The following TNRC18 variants were observed in gnomAD, a reference collection of about 807,000 sequenced individuals.
TNRC18 encodes trinucleotide repeat containing 18.
A neutral mutation model predicts 226.7 loss-of-function variants in TNRC18; 69 were observed. The ratio of observed to expected loss-of-function variants is 0.30; its 90% CI spans 0.25 to 0.37. The LOEUF is 0.37. TNRC18 is among the 10% of genes least tolerant of loss of function. TNRC18 has a pLI of 1.00. For missense variants in TNRC18, 4,754 were observed against 4,256.6 expected (o/e 1.12, Z -3.25); for synonymous variants, 2,449 against 1,927.6 (o/e 1.27, Z -7.09).
chr7:5,416,202 CAGG>C (rs901543539), intron 2 of TNRC18, among the ~76,000 whole-genome samples: 2 of 150,134 alleles, frequency 1.3e-5, no homozygotes, highest in African/African-American at 4.9e-5. Flanking sequence ...ATCAAGAGGT[CAGG>C]AGATCGAGAT....
At chr7:5,366,318 CTTTTTTTT>C (rs202053648) in intron 11 of TNRC18, among the ~76,000 whole-genome samples, 10 of 70,480 alleles carry the variant, frequency 1.4e-4, no homozygotes, top group African/African-American at 5.7e-4. Flanking sequence ...CTTCTTATAT[CTTTTTTTT>C]TTTTTTTTTT....
intron 2 of TNRC18, among the ~76,000 whole-genome samples, chr7:5,396,303 G>C (rs1256621536): frequency 6.6e-6 from 1 of 152,026 alleles, no homozygotes; most frequent in South Asian, 2.1e-4. Context: ...AGCTGAGATC[G>C]TGCCACTGCA....
In TNRC18 at chr7:5,376,120, G is replaced by C; in HGVS notation, c.2713C>G (p.Gln905Glu). 6.3e-7 allele frequency: 1 copy of C among 1,590,530 alleles called. No individual in the cohort carries two copies. The highest frequency in any genetic ancestry group is 8.6e-7 in the Non-Finnish European group (1 of 1,169,476). ...HAQQLQLFSQQHFLRQQEFLY... is the reference protein window; with the variant it reads ...HAQQLQLFSQEHFLRQQEFLY... ...AACTCCTGCTGCCGCAGGAAGTGCTGCTGTGAGAAGAGCTGCAGCTGCTGG... is the reference window on the plus strand; with the variant it reads ...AACTCCTGCTGCCGCAGGAAGTGCTCCTGTGAGAAGAGCTGCAGCTGCTGG... Residue 905 changes from glutamine to glutamate, a missense_variant, in exon 9 of 30, where the codon CAG (glutamine) becomes GAG (glutamate). By Grantham distance (29) the Gln-to-Glu change is conservative. Coordinates refer to ENST00000430969, the MANE Select transcript of TNRC18 (RefSeq NM_001080495.3).
intron 2 of TNRC18, among the ~76,000 whole-genome samples, chr7:5,418,470 C>G (rs1343794758): frequency 6.6e-6 from 1 of 152,130 alleles, no homozygotes. Context: ...CCCCGGGGAT[C>G]TTTCTCCGAG....
rs1229739492 is a variant in TNRC18, at chr7:5,345,779, C to T, written c.5502G>A (p.Glu1834=). 1.3e-6 allele frequency: 2 copies of T among 1,546,012 alleles called. No individual in the cohort carries two copies. Among genetic ancestry groups the T allele is most frequent in the Non-Finnish European group, 1.7e-6 (2 of 1,146,674 alleles). The part of the protein sequence containing the change: ...DESSEEEDEE[E]ELEEEDEASG... ...TGGCCTCGTCCTCCTCCTCGAGCTC[C>T]TCCTCCTCGTCCTCCTCCTCCGAGC... Residue 1834 remains glutamate (E), a synonymous_variant, in exon 18 of 30, where the codon GAG becomes GAA. Transcript: ENST00000430969.
At chr7:5,385,998 A>C (rs1779757328) in intron 5 of TNRC18, among the ~76,000 whole-genome samples, 1 of 150,222 alleles carries the variant, frequency 6.7e-6, no homozygotes, top group Admixed American at 6.7e-5. Context: ...AAAAAAAAAA[A>C]AAAAAAAAAC....
At position 5,370,738 on chromosome 7, in the gene TNRC18, C is replaced by T. The variant is rs373188558; in HGVS notation, c.3856G>A (p.Glu1286Lys). The T allele has an allele frequency of 2.2e-5, 35 of 1,604,976 alleles. No individual in the cohort carries two copies. The highest frequency in any genetic ancestry group is 2.7e-5 in the Non-Finnish European group (32 of 1,176,532). ...EEGLAQVAPSESQPTLEMSDC... is the reference protein window; with the variant it reads ...EEGLAQVAPSKSQPTLEMSDC... ...GACATTTCTAGGGTGGGCTGGGACT[C>T]GCTCGGTGCCACCTGCGCCAGGCCT... Residue 1286 changes from glutamate (E) to lysine (K), a missense_variant, in exon 11 of 30, where the codon GAG becomes AAG. Transcript: ENST00000430969.
In TNRC18 at chr7:5,356,904, T is replaced by G; in HGVS notation, c.5194+12A>C. 3.3e-6 allele frequency: 5 copies of G among 1,524,356 alleles called. No homozygotes were observed. The highest frequency in any genetic ancestry group is 4.4e-6 in the Non-Finnish European group (5 of 1,132,826). The allele number at this position is 1,524,356 out of a possible 1,614,324, so 94.4% of individuals were successfully genotyped here. ...GCAGCGGACCAGAGGTGGCGCGGCATACGCTACTTACTGTAAGAGTAGCTG... is the reference window on the plus strand; with the variant it reads ...GCAGCGGACCAGAGGTGGCGCGGCAGACGCTACTTACTGTAAGAGTAGCTG... On this transcript the variant is annotated intron_variant, in intron 16 of 29. Coordinates refer to ENST00000430969, the MANE Select transcript of TNRC18 (RefSeq NM_001080495.3).
chr7:5,380,650 T>G (rs10269533), intron 5 of TNRC18, among the ~76,000 whole-genome samples: 34,177 of 152,044 alleles, frequency 0.22, 4,278 homozygotes, highest in African/African-American at 0.3. Context: ...GTAGCTCCTG[T>G]ATCAAAGCAG....
At position 5,313,342 on chromosome 7, in the gene TNRC18, A is replaced by G. The variant is rs1301130956; in HGVS notation, c.7549T>C (p.Trp2517Arg). 1 of 1,558,378 alleles carries G rather than the reference A, an allele frequency of 6.4e-7. No homozygotes were observed. The highest frequency in any genetic ancestry group is 2.4e-5 in the East Asian group (1 of 41,520). Residue 2517 changes from tryptophan to arginine, a missense_variant, in exon 27 of 30, where the codon TGG becomes CGG. Transcript: ENST00000430969. The part of the protein sequence containing the change: ...AAGSSEPKAP[W>R]PKATDGDLAQ... ...AGGTCCCCGTCGGTGGCCTTGGGCC[A>G]GGGTGCCTTGGGCTCGCTGCTGCCG...
chr7:5,405,054 T>C (rs922559845), intron 2 of TNRC18, among the ~76,000 whole-genome samples: 1 of 150,970 alleles, frequency 6.6e-6, no homozygotes, highest in African/African-American at 2.4e-5. Context: ...GAGACAGAGG[T>C]TGCACTGAGC....
chr7:5,333,098 T>A, intron 18 of TNRC18, 49 bp from the exon 19 acceptor site: 1 of 1,529,620 alleles, frequency 6.5e-7, no homozygotes, highest in Non-Finnish European at 8.8e-7. Context: ...GGGGACCCCT[T>A]CCCTCCCACC....
chr7:5,367,781 G>A (rs919783348), intron 11 of TNRC18, among the ~76,000 whole-genome samples: 1 of 151,130 alleles, frequency 6.6e-6, no homozygotes, highest in Non-Finnish European at 1.5e-5. Context: ...AGTTTCTATT[G>A]AACTATTTTC....
At position 5,388,060 on chromosome 7, in the gene TNRC18, A is replaced by C; in HGVS notation, c.1764T>G (p.Leu588=). Residue 588 remains leucine, a synonymous_variant, in exon 5 of 30, where the codon CTT becomes CTG. Coordinates refer to ENST00000430969, the MANE Select transcript of TNRC18 (RefSeq NM_001080495.3). ...GSGEASAMQS[L]IKYSGSFARD... is the part of the protein sequence containing the mutation. The stretch of plus-strand genomic sequence containing the variant: ...GGGCAAAGCTGCCACTGTACTTTAT[A>C]AGGCTCTGCATGGCCGAGGCCTCTC... 1 of 1,559,082 alleles carries C rather than the reference A, an allele frequency of 6.4e-7. No individual in the cohort carries two copies. Among genetic ancestry groups the C allele is most frequent in the Non-Finnish European group, 8.7e-7 (1 of 1,152,200 alleles).
chr7:5,374,137 C>T lies in TNRC18; in HGVS notation c.3147G>A (p.Glu1049=). The T allele has an allele frequency of 6.5e-7, 1 of 1,529,426 alleles. No individual in the cohort carries two copies. The allele number at this position is 1,529,426 out of a possible 1,614,324, so 94.7% of individuals were successfully genotyped here. Residue 1049 remains glutamate, a synonymous_variant, in exon 10 of 30, where the codon GAG becomes GAA. Transcript: ENST00000430969. The part of the protein sequence containing the change: ...PPPTPGITRK[E]EAPENVVEKK... ...TCTCGACCACATTCTCGGGAGCCTC[C>T]TCCTTGCGGGTGATACCCGGGGTGG...
Position 5,307,934 on chromosome 7 carries a change from A to G in TNRC18, c.*172T>C. On this transcript the variant is annotated 3_prime_UTR_variant, in exon 30 of 30. Coordinates refer to ENST00000430969, the MANE Select transcript of TNRC18 (RefSeq NM_001080495.3). ...GAGGCATGTGCACATGCGTGCACAC[A>G]CGTGCATGCACACACACTCACCCGG... 3.2e-6 allele frequency: 2 copies of G among 628,820 alleles called. No individual in the cohort carries two copies. The highest frequency in any genetic ancestry group is 2.8e-5 in the East Asian group (1 of 36,354). The allele number at this position is 628,820 out of a possible 1,614,324, so 39.0% of individuals were successfully genotyped here.
At chr7:5,393,963 C>T (rs1780480072) in intron 3 of TNRC18, among the ~76,000 whole-genome samples, 2 of 152,122 alleles carry the variant, frequency 1.3e-5, no homozygotes, top group African/African-American at 2.4e-5. Flanking sequence ...CCACCTCCAC[C>T]TCCCAAACTG....
chr7:5,317,459 TG>T (rs1787964662), intron 24 of TNRC18, among the ~76,000 whole-genome samples: 1 of 151,864 alleles, frequency 6.6e-6, no homozygotes, highest in African/African-American at 2.4e-5. Context: ...GGCATGGTGG[TG>T]CATGCCTGTA....
At chr7:5,373,108 A>G (rs1440250781) in intron 10 of TNRC18, among the ~76,000 whole-genome samples, 1 of 152,134 alleles carries the variant, frequency 6.6e-6, no homozygotes, top group Admixed American at 6.5e-5. Flanking sequence ...CAGTGAGCCA[A>G]GATTGCCCGA....
Sources: gnomAD v4.1 joint callset for allele counts (sites outside exome capture counted in the v4.1 genomes callset) on GRCh38, gnomAD v4.1.1 for gene constraint, MANE v1.5 for transcripts, NCBI Gene and HGNC (gene_info 2026-07-23, HGNC 2026-07-21) for gene names.